Variants in ASXL3 observed in about 807,000 individuals in gnomAD.
ASXL3 encodes the protein ASXL transcriptional regulator 3.
In ASXL3, 34 loss-of-function variants were observed where a neutral mutation model predicts 170.6. That is an observed-to-expected ratio of 0.20 (90% CI 0.15 to 0.27). The LOEUF (loss-of-function observed/expected upper bound fraction) is 0.27, where lower values mean the gene tolerates loss of function less well. ASXL3 is among the 10% of genes least tolerant of loss of function. The pLI, the probability that ASXL3 is intolerant of heterozygous loss-of-function variation, is 1.00. For missense variants in ASXL3, 2,592 were observed against 2,695.3 expected (o/e 0.96, Z 0.85); for synonymous variants, 1,002 against 989.1 (o/e 1.01, Z -0.24).
Position 33,743,510 on chromosome 18 carries a change from C to T in ASXL3, c.3662C>T (p.Ser1221Phe), listed in dbSNP as rs1245079335. 4 of 1,613,514 alleles carry T rather than the reference C, an allele frequency of 2.5e-6. No individual in the cohort carries two copies. The highest frequency in any genetic ancestry group is 1.1e-5 in the South Asian group (1 of 91,088). ...TCTGAGAAAATTGTTTCATCTACCT[C>T]TTCTGAAAATAGCAGTGTGCCCATG... The part of the protein sequence containing the change: ...HLSEKIVSST[S>F]SENSSVPMLF... Residue 1221 changes from serine (S) to phenylalanine (F), a missense_variant, in exon 12 of 12, where the codon TCT becomes TTT. Ser to Phe is a radical substitution (Grantham distance 155). Around this residue, in one of 4 missense-constraint regions of ASXL3, gnomAD observed 2,246 missense variants for 2,219.6 expected, o/e 1.01. Coordinates refer to ENST00000269197, the MANE Select transcript of ASXL3 (RefSeq NM_030632.3).
Position 33,743,205 on chromosome 18 carries a change from T to C in ASXL3, c.3357T>C (p.His1119=). 3.7e-6 allele frequency: 6 copies of C among 1,613,886 alleles called. No individual in the cohort carries two copies. Among genetic ancestry groups the C allele is most frequent in the Non-Finnish European group, 5.1e-6 (6 of 1,179,886 alleles). The part of the protein sequence containing the change: ...KLFAKHQARA[H]LFQTSKETRL... ...TTGCAAAGCATCAAGCTCGAGCCCA[T>C]CTCTTCCAGACCTCTAAAGAGACCC... is the stretch of plus-strand genomic sequence containing the variant. The change falls in exon 12 of 12, where the codon CAT becomes CAC. Residue 1119 remains histidine (H), a synonymous_variant. Coordinates refer to ENST00000269197, the MANE Select transcript of ASXL3 (RefSeq NM_030632.3).
At chr18:33,630,505 G>GGAGGAGA (rs2065661796) in intron 2 of ASXL3, among the ~76,000 whole-genome samples, 1 of 151,948 alleles carries the variant, frequency 6.6e-6, no homozygotes. Flanking sequence ...TAAAGAAGGA[G>GGAGGAGA]GAGGAGAGAG....
Position 33,734,431 on chromosome 18 carries a change from T to G in ASXL3, c.1082+16T>G. 6.8e-7 allele frequency: 1 copy of G among 1,475,730 alleles called. No homozygotes were observed. The highest frequency in any genetic ancestry group is 1.2e-5 in the South Asian group (1 of 80,614). 91.4% of individuals were successfully genotyped at this position (1,475,730 alleles called of 1,614,324 possible). A position where few individuals can be genotyped will look rare whatever the true frequency, so the allele number is the denominator to read the frequency against. ...ATGGAGAAAAGTAAGTACTAGAGTA[T>G]TTTTTCTCATTTCTCTGAGAAAGAA... On this transcript the variant is annotated intron_variant, in intron 10 of 11. Coordinates refer to ENST00000269197, the MANE Select transcript of ASXL3 (RefSeq NM_030632.3).
At chr18:33,689,003 CTT>C (rs11370465) in intron 8 of ASXL3, among the ~76,000 whole-genome samples, 1 of 149,504 alleles carries the variant, frequency 6.7e-6, no homozygotes, top group Non-Finnish European at 1.5e-5. Context: ...TTCTTTTTAT[CTT>C]TTTTTTTTGA....
At chr18:33,650,193 C>T (rs1353610222) in intron 4 of ASXL3, among the ~76,000 whole-genome samples, 2 of 152,036 alleles carry the variant, frequency 1.3e-5, no homozygotes, top group East Asian at 3.9e-4. Flanking sequence ...GTCATATTAG[C>T]AGCTAACATA....
At chr18:33,664,742 C>T (rs1251084100) in intron 5 of ASXL3, among the ~76,000 whole-genome samples, 2 of 152,188 alleles carry the variant, frequency 1.3e-5, no homozygotes, top group Non-Finnish European at 2.9e-5. Context: ...TACATGTTTA[C>T]AGGGCTCTTT....
At chr18:33,615,386 A>G (rs184927202) in intron 2 of ASXL3, among the ~76,000 whole-genome samples, 1 of 152,266 alleles carries the variant, frequency 6.6e-6, no homozygotes, top group Admixed American at 6.5e-5. Context: ...TTATATGGGC[A>G]CTGTTCATGA....
intron 7 of ASXL3, among the ~76,000 whole-genome samples, chr18:33,678,869 C>T (rs1436484189): frequency 6.6e-6 from 1 of 151,304 alleles, no homozygotes; most frequent in African/African-American, 2.5e-5. Flanking sequence ...TTCATCTTCT[C>T]TGTCTTTGTT....
rs375456959 is a variant in ASXL3, at chr18:33,744,451, C to T, written c.4603C>T (p.His1535Tyr). 6.2e-7 allele frequency: 1 copy of T among 1,613,472 alleles called. No homozygotes were observed. Among genetic ancestry groups the T allele is most frequent in the African/African-American group, 1.3e-5 (1 of 74,934 alleles). Residue 1535 changes from histidine to tyrosine, a missense_variant, in exon 12 of 12, where the codon CAC (histidine) becomes TAC (tyrosine). By Grantham distance (83) the His-to-Tyr change is moderately conservative. Around this residue, in one of 4 missense-constraint regions of ASXL3, gnomAD observed 2,246 missense variants for 2,219.6 expected, o/e 1.01. Transcript: ENST00000269197. Reference sequence around the variant, plus strand: ...GCCAGTTGCCAACGAAGGTATAGATCACAGTTCCACTTTCATTGCTGCTTC... The same window carrying T: ...GCCAGTTGCCAACGAAGGTATAGATTACAGTTCCACTTTCATTGCTGCTTC... ...PEPVANEGIDHSSTFIAASAA... is the reference protein window; with the variant it reads ...PEPVANEGIDYSSTFIAASAA...
intron 2 of ASXL3, among the ~76,000 whole-genome samples, chr18:33,634,707 A>C (rs1404443818): frequency 6.6e-6 from 1 of 152,068 alleles, no homozygotes; most frequent in Non-Finnish European, 1.5e-5. Context: ...AATATTTCCC[A>C]TTTCTGGATG....
chr18:33,670,326 C>T lies in ASXL3; in HGVS notation c.478-347C>T, dbSNP rs369525893. On this transcript the variant is annotated intron_variant, in intron 5 of 11. Coordinates refer to ENST00000269197, the MANE Select transcript of ASXL3 (RefSeq NM_030632.3). ...GACACATATATTTTTATCCTGGTTT[C>T]GAAACATTTATTTTACATTCATTTG... Among the ~76,000 whole-genome samples the T allele has an allele frequency of 1.2e-3, 190 of 152,294 alleles. 1 individual carries two copies. The highest frequency in any genetic ancestry group is 4.2e-3 in the African/African-American group (174 of 41,562).
intron 7 of ASXL3, 91 bp downstream of exon 7, chr18:33,671,957 G>A: frequency 1.6e-6 from 2 of 1,270,436 alleles, no homozygotes; most frequent in East Asian, 2.7e-5. Flanking sequence ...ATTTTTTAAT[G>A]ATTAAACAAG....
chr18:33,586,038 C>T (rs1465784230), intron 1 of ASXL3, among the ~76,000 whole-genome samples: 1 of 152,026 alleles, frequency 6.6e-6, no homozygotes, highest in African/African-American at 2.4e-5. Context: ...ATAGGATGGA[C>T]CATTCTTTAT....
chr18:33,578,553 T>G lies in ASXL3; in HGVS notation c.-79T>G. The G allele has an allele frequency of 2.2e-6, 2 of 896,194 alleles. No homozygotes were observed. The highest frequency in any genetic ancestry group is 2.9e-6 in the Non-Finnish European group (2 of 683,862). 55.5% of individuals were successfully genotyped at this position (896,194 alleles called of 1,614,324 possible). ...GAGTGCGGGTCACCGGGTCACTGGG[T>G]CATTGTCTCCGCGCCCGAACCCCGA... On this transcript the variant is annotated 5_prime_UTR_variant, in exon 1 of 12. Transcript: ENST00000269197.
At chr18:33,632,318 ACATCAGT>A (rs896339005) in intron 2 of ASXL3, among the ~76,000 whole-genome samples, 2 of 152,136 alleles carry the variant, frequency 1.3e-5, no homozygotes, top group African/African-American at 4.8e-5. Context: ...TAAAGAACTC[ACATCAGT>A]CATTTTTCTC....
chr18:33,703,441 T>C (rs1256366054), intron 8 of ASXL3, among the ~76,000 whole-genome samples: 1 of 152,120 alleles, frequency 6.6e-6, no homozygotes, highest in African/African-American at 2.4e-5. Flanking sequence ...AAGGCCCTAG[T>C]ATTCTTGGCC....
At chr18:33,620,955 C>T (rs1369628321) in intron 2 of ASXL3, among the ~76,000 whole-genome samples, 1 of 152,066 alleles carries the variant, frequency 6.6e-6, no homozygotes, top group African/African-American at 2.4e-5. Context: ...GACTAGTTTC[C>T]ACATGGACCA....
intron 8 of ASXL3, among the ~76,000 whole-genome samples, chr18:33,724,349 A>G (rs1381761301): frequency 6.6e-6 from 1 of 152,046 alleles, no homozygotes; most frequent in South Asian, 2.1e-4. Flanking sequence ...CATCTTTAAT[A>G]TTTTGTCACT....
At position 33,740,472 on chromosome 18, in the gene ASXL3, TC is replaced by T. The variant is rs778290097; in HGVS notation, c.3039+31del. On this transcript the variant is annotated intron_variant, in intron 11 of 11. Coordinates refer to ENST00000269197, the MANE Select transcript of ASXL3 (RefSeq NM_030632.3). ...TGGTATTAAATAAACAAAAGGCAAT[TC>T]CGTAGATAGGCTTTTCCTATTTAGA... 1.3e-5 allele frequency: 20 copies of T among 1,490,578 alleles called. No individual in the cohort carries two copies. The Admixed American group carries it at 2.4e-4, about 18-fold the overall frequency. The allele number at this position is 1,490,578 out of a possible 1,614,324, so 92.3% of individuals were successfully genotyped here.
Sources: allele counts gnomAD v4.1 joint callset (sites outside exome capture counted in the v4.1 genomes callset), GRCh38; gene constraint gnomAD v4.1.1; regional missense constraint gnomAD v4.1.1; transcripts MANE v1.5; gene names NCBI Gene and HGNC (gene_info 2026-07-23, HGNC 2026-07-21).